The following INTS1 variants were observed in gnomAD, a reference collection of about 807,000 sequenced individuals.
The protein encoded by INTS1 is integrator complex subunit 1.
A neutral mutation model predicts 241.6 loss-of-function variants in INTS1; 137 were observed. The ratio of observed to expected loss-of-function variants is 0.57; its 90% CI spans 0.49 to 0.65. The LOEUF is 0.65. INTS1 is among the 30% of genes least tolerant of loss of function. INTS1 has a pLI of 0.00. For synonymous variants in INTS1, 1,692 were observed against 1,337.8 expected, an observed-to-expected ratio of 1.26 and a Z score of -5.78; for missense variants, 3,073 against 3,032.2, an observed-to-expected ratio of 1.01 and a Z score of -0.32.
In INTS1 at chr7:1,483,739, C is replaced by G. The variant is rs200230460; in HGVS notation, c.3541+3G>C. On this transcript the variant is annotated splice_donor_region_variant and intron_variant, in intron 26 of 47. Transcript: ENST00000404767. The stretch of plus-strand genomic sequence containing the variant: ...GCCCCTCCCGGGGCCTGTGGCGGCT[C>G]ACCTCGAGGCGGGCCCAGCGTCAGC... 2.2e-5 allele frequency: 36 copies of G among 1,609,428 alleles called. No homozygotes were observed. Among genetic ancestry groups the G allele is most frequent in the Non-Finnish European group, 2.9e-5 (34 of 1,178,928 alleles).
chr7:1,474,684 G>A lies in INTS1; in HGVS notation c.5636+21C>T, dbSNP rs766006571. 4 of 1,551,348 alleles carry A rather than the reference G, an allele frequency of 2.6e-6. No individual in the cohort carries two copies. The South Asian group carries it at 3.6e-5, about 14-fold the overall frequency. On this transcript the variant is annotated intron_variant, in intron 40 of 47. Transcript: ENST00000404767. ...CTGGTTAAACCAGTGTCTGGCGAGG[G>A]CAGGGCTTCTGGGACAGCACCTGAG... is the stretch of plus-strand genomic sequence containing the variant.
chr7:1,498,642 GC>G, intron 9 of INTS1, 64 bp downstream of exon 9: 1 of 470,304 alleles, frequency 2.1e-6, no homozygotes, highest in Non-Finnish European at 2.8e-6. Flanking sequence ...CCCCCGCTCC[GC>G]CCACACCCCC....
Position 1,497,101 on chromosome 7 carries a change from A to G in INTS1, c.1602+37T>C, listed in dbSNP as rs758184101. 5.1e-5 allele frequency: 79 copies of G among 1,564,206 alleles called. No individual in the cohort carries two copies. Among genetic ancestry groups the G allele is most frequent in the African/African-American group, 6.8e-5 (5 of 73,770 alleles). On this transcript the variant is annotated intron_variant, in intron 11 of 47. Coordinates refer to ENST00000404767, the MANE Select transcript of INTS1 (RefSeq NM_001080453.3). The surrounding 1 kb of genome is among the most constrained non-coding windows in gnomAD (Gnocchi z 5.3). ...GGGGATGGCGGCGCGTGGAACCCGC[A>G]GTGAGGGAAAGGCGCCCCAGCGGCG... is the stretch of plus-strand genomic sequence containing the variant.
intron 8 of INTS1, 40 bp from the exon 9 acceptor site, chr7:1,498,892 C>A (rs972500366): frequency 1.3e-6 from 2 of 1,562,222 alleles, no homozygotes; most frequent in African/African-American, 1.4e-5. Flanking sequence ...CACGGCCACC[C>A]CGGCAGGAAG....
chr7:1,502,831 C>T, intron 3 of INTS1, 70 bp downstream of exon 3: 1 of 1,548,802 alleles, frequency 6.5e-7, no homozygotes. Flanking sequence ...CTGGAGGGGG[C>T]CTTCCCTGAA....
Position 1,481,059 on chromosome 7 carries a change from G to T in INTS1, c.3851-126C>A. On this transcript the variant is annotated intron_variant, in intron 28 of 47. Coordinates refer to ENST00000404767, the MANE Select transcript of INTS1 (RefSeq NM_001080453.3). This position sits in a 1 kb window ranked among gnomAD's most constrained non-coding sequence, Gnocchi z 6.8. ...CCAGCACTTCCCAAGGACTTCAGAA[G>T]CTGGGTGAGCTCAGTCAGCACTGAG... 1 of 741,708 alleles carries T rather than the reference G, an allele frequency of 1.3e-6. No homozygotes were observed. The highest frequency in any genetic ancestry group is 2.3e-6 in the Non-Finnish European group (1 of 433,942). 45.9% of individuals were successfully genotyped at this position (741,708 alleles called of 1,614,324 possible). A position where few individuals can be genotyped will look rare whatever the true frequency, so the allele number is the denominator to read the frequency against.
At chr7:1,491,976 G>A (rs1472975142) in intron 16 of INTS1, among the ~76,000 whole-genome samples, 1 of 152,226 alleles carries the variant, frequency 6.6e-6, no homozygotes, top group Non-Finnish European at 1.5e-5. Context: ...TCTCTGCTGA[G>A]AAACACGGGC....
At chr7:1,484,226 A>G (rs1157757293) in intron 24 of INTS1, 56 bp from the exon 25 acceptor site, 1 of 1,549,450 alleles carries the variant, frequency 6.5e-7, no homozygotes, top group Non-Finnish European at 8.8e-7. Flanking sequence ...CTCTCCGGCC[A>G]GCTGGGGTGA....
At position 1,493,404 on chromosome 7, in the gene INTS1, G is replaced by C. The variant is rs941745969; in HGVS notation, c.2069-298C>G. Reference sequence around the variant, plus strand: ...TGGGGACCCGCAAGCCCTCGGGGCAGAGCCACGGACGAGGCGCGAGCTGGA... The same window carrying C: ...TGGGGACCCGCAAGCCCTCGGGGCACAGCCACGGACGAGGCGCGAGCTGGA... On this transcript the variant is annotated intron_variant, in intron 15 of 47. Transcript: ENST00000404767. This position sits in a 1 kb window ranked among gnomAD's most constrained non-coding sequence, Gnocchi z 5.3. Among the ~76,000 whole-genome samples, 1 of 152,194 alleles carries C rather than the reference G, an allele frequency of 6.6e-6. No individual in the cohort carries two copies. Among genetic ancestry groups the C allele is most frequent in the Non-Finnish European group, 1.5e-5 (1 of 68,026 alleles).
Position 1,478,749 on chromosome 7 carries a change from G to A in INTS1, c.4466C>T (p.Ser1489Leu). The A allele has an allele frequency of 1.3e-6, 2 of 1,591,080 alleles. No homozygotes were observed. Among genetic ancestry groups the A allele is most frequent in the Non-Finnish European group, 1.7e-6 (2 of 1,169,366 alleles). ...AQLRMLASQA[S>L]AGRRLSDVRG... ...ACCATCACTGAGCCTGCGCCCGGCTGAGGCCTGGCTGGCAAGCATCCTGAG... is the reference window on the plus strand; with the variant it reads ...ACCATCACTGAGCCTGCGCCCGGCTAAGGCCTGGCTGGCAAGCATCCTGAG... Residue 1489 changes from serine (S) to leucine (L), a missense_variant, in exon 32 of 48, where the codon TCA becomes TTA. By Grantham distance (145) the Ser-to-Leu change is moderately radical (BLOSUM62 -2). Coordinates refer to ENST00000404767, the MANE Select transcript of INTS1 (RefSeq NM_001080453.3).
chr7:1,494,774 C>G (rs1215701890), intron 14 of INTS1, 42 bp downstream of exon 14: 41 of 1,541,896 alleles, frequency 2.7e-5, no homozygotes, highest in Non-Finnish European at 3.3e-5. Context: ...CGCAGCCCCG[C>G]CCAGCCCGGC....
At chr7:1,494,317 G>A (rs551442321) in intron 14 of INTS1, 43 of 264,138 alleles carry the variant, frequency 1.6e-4, no homozygotes, top group Middle Eastern at 2.6e-3. Context: ...TGAACAGAGC[G>A]CCCAGGGCAC....
rs963267911 is a variant in INTS1, at chr7:1,474,880, C to G, written c.5503-42G>C. ...TCTGAGGCCGGGGCCGCTGGCTCCC[C>G]TCACTTGCCCACCCACACTCAGCCT... On this transcript the variant is annotated intron_variant, in intron 39 of 47. Coordinates refer to ENST00000404767, the MANE Select transcript of INTS1 (RefSeq NM_001080453.3). The G allele has an allele frequency of 9.7e-6, 15 of 1,540,932 alleles. No homozygotes were observed. The African/African-American group carries it at 2.1e-4, about 21-fold the overall frequency.
At chr7:1,483,017 T>C (rs59311691) in intron 26 of INTS1, 2 of 332,834 alleles carry the variant, frequency 6.0e-6, no homozygotes, top group Non-Finnish European at 1.1e-5. Context: ...CCAGGTCCCA[T>C]CCAGCTCTCT....
Position 1,496,246 on chromosome 7 carries a change from T to G in INTS1, c.1621A>C (p.Ile541Leu). 1.9e-6 allele frequency: 3 copies of G among 1,613,716 alleles called. No individual in the cohort carries two copies. Among genetic ancestry groups the G allele is most frequent in the Non-Finnish European group, 2.5e-6 (3 of 1,179,790 alleles). Residue 541 changes from isoleucine to leucine, a missense_variant, in exon 12 of 48, where the codon ATC becomes CTC. Transcript: ENST00000404767. The stretch of plus-strand genomic sequence containing the variant: ...ATGGACACGGCCAGGACGTCGGTGA[T>G]GTGCACCACGAAGCGCTCCTGCAGG... ...MEFKERFVVH[I>L]TDVLAVSMML...
rs1458163491 is a variant in INTS1 at position 1,478,817 on chromosome 7, C to T, written c.4398G>A (p.Trp1466Ter). 6.2e-7 allele frequency: 1 copy of T among 1,609,464 alleles called. No individual in the cohort carries two copies. Among genetic ancestry groups the T allele is most frequent in the Admixed American group, 1.7e-5 (1 of 59,720 alleles). ...CGCCCTCCACGCCAGGGCTGTCCAG[C>T]CACTGCAGCATCTGCAGGAGCACCT... is the stretch of plus-strand genomic sequence containing the variant. Reference protein sequence around the residue: ...FLKVLLQMLQWLDSPGVEGGP... With the variant: ...FLKVLLQMLQ The change falls in exon 32 of 48, where the codon TGG becomes TGA. Residue 1466 changes from tryptophan to a stop codon, truncating the protein, a stop_gained. Coordinates refer to ENST00000404767, the MANE Select transcript of INTS1 (RefSeq NM_001080453.3). LOFTEE classifies it high-confidence loss of function.
In INTS1 at chr7:1,498,872, G is replaced by A. The variant is rs763875269; in HGVS notation, c.1138-20C>T. 6.9e-6 allele frequency: 11 copies of A among 1,587,124 alleles called. No individual in the cohort carries two copies. The highest frequency in any genetic ancestry group is 6.9e-6 in the Non-Finnish European group (8 of 1,167,752). On this transcript the variant is annotated intron_variant, in intron 8 of 47. Transcript: ENST00000404767. ...GGTCAGCTGCGGGGCCGAGGAGGGA[G>A]CAGTGGGCTCACGGCCACCCCGGCA...
rs1478014000 is a variant in INTS1, at chr7:1,498,813, TG to T, written c.1176del (p.Cys392Ter). 1 of 1,605,948 alleles carries T rather than the reference TG, an allele frequency of 6.2e-7. No individual in the cohort carries two copies. The highest frequency in any genetic ancestry group is 1.3e-5 in the African/African-American group (1 of 74,766). On this transcript the variant is annotated frameshift_variant, in exon 9 of 48. Coordinates refer to ENST00000404767, the MANE Select transcript of INTS1 (RefSeq NM_001080453.3). LOFTEE classifies it high-confidence loss of function. Reference protein sequence around the residue: ...RPAQDLLMSVCMNCNTHGSED... With the variant: ...RPAQDLLMSVXMNCNTHGSED... ...TCGGAACCGTGCGTGTTGCAGTTCA[TG>T]CAGACGGACATCAGCAGGTCCTGGG...
chr7:1,481,152 G>A lies in INTS1; in HGVS notation c.3850+190C>T. ...GTGCCTGGCCCCAGGGTTGGGGCAG[G>A]CCCAGGCCTCGGCTCCCTCCTGACT... On this transcript the variant is annotated intron_variant, in intron 28 of 47. Transcript: ENST00000404767. The surrounding 1 kb of genome is among the most constrained non-coding windows in gnomAD (Gnocchi z 6.8). 2 of 771,286 alleles carry A rather than the reference G, an allele frequency of 2.6e-6. No individual in the cohort carries two copies. Among genetic ancestry groups the A allele is most frequent in the Middle Eastern group, 3.4e-4 (1 of 2,932 alleles). 47.8% of individuals were successfully genotyped at this position (771,286 alleles called of 1,614,324 possible). A position where few individuals can be genotyped will look rare whatever the true frequency, so the allele number is the denominator to read the frequency against.
Sources: gnomAD v4.1 joint callset for allele counts (sites outside exome capture counted in the v4.1 genomes callset) on GRCh38, gnomAD v4.1.1 for gene constraint, Gnocchi (gnomAD v3.1) non-coding constraint, MANE v1.5 for transcripts, NCBI Gene and HGNC (gene_info 2026-07-23, HGNC 2026-07-21) for gene names.